The following PTPRM variants were observed in gnomAD, a reference collection of about 807,000 sequenced individuals.
PTPRM encodes the protein receptor-type tyrosine-protein phosphatase mu.
In PTPRM, 47 loss-of-function variants were observed where a neutral mutation model predicts 186.7. The observed-to-expected ratio is 0.25, with a 90% CI of 0.20 to 0.32. The LOEUF (loss-of-function observed/expected upper bound fraction) is 0.32, where lower values mean the gene tolerates loss of function less well. Among genes scored for constraint, PTPRM ranks in the 10% least tolerant of loss-of-function variants. The pLI, the probability that PTPRM is intolerant of heterozygous loss-of-function variation, is 1.00. For missense variants in PTPRM, 1,494 were observed against 1,865.0 expected, an observed-to-expected ratio of 0.80 and a Z score of 3.66; for synonymous variants, 668 against 674.9, an observed-to-expected ratio of 0.99 and a Z score of 0.16.
chr18:8,305,057 T>C (rs1349258248), intron 20 of PTPRM, among the ~76,000 whole-genome samples: 1 of 152,116 alleles, frequency 6.6e-6, no homozygotes, highest in African/African-American at 2.4e-5. Context: ...AAATAGACTC[T>C]TATTAGACAT....
chr18:7,773,770 G>A (rs962896306), intron 1 of PTPRM, among the ~76,000 whole-genome samples: 3 of 151,926 alleles, frequency 2.0e-5, no homozygotes, highest in African/African-American at 7.2e-5. Context: ...TGTAGAGATA[G>A]GGTTTCACCA....
chr18:8,297,311 A>G (rs1299228125), intron 20 of PTPRM, among the ~76,000 whole-genome samples: 1 of 152,252 alleles, frequency 6.6e-6, no homozygotes, highest in East Asian at 1.9e-4. Context: ...TTACGAGAGA[A>G]CAAACTTGGG....
chr18:8,235,683 T>C (rs1393375581), intron 14 of PTPRM, among the ~76,000 whole-genome samples: 2 of 152,106 alleles, frequency 1.3e-5, no homozygotes, highest in African/African-American at 2.4e-5. Context: ...TTTAGATGTT[T>C]CTTTTTGTCT....
chr18:7,829,698 T>A (rs1019197856), intron 2 of PTPRM, among the ~76,000 whole-genome samples: 1 of 152,170 alleles, frequency 6.6e-6, no homozygotes, highest in African/African-American at 2.4e-5. Flanking sequence ...ATTCTTTCAT[T>A]TGGCCATATA....
intron 2 of PTPRM, among the ~76,000 whole-genome samples, chr18:7,877,832 C>T (rs533541997): frequency 4.6e-5 from 7 of 152,094 alleles, no homozygotes; most frequent in African/African-American, 1.2e-4. Flanking sequence ...AGTTTATGGA[C>T]GAACTGACTC....
At chr18:8,017,949 A>G (rs2084980808) in intron 7 of PTPRM, 2 of 152,198 alleles carry the variant, frequency 1.3e-5, no homozygotes, top group Non-Finnish European at 2.9e-5. Flanking sequence ...ATGATCATAG[A>G]AACTGTTAGG....
rs547758204 is a variant in PTPRM at position 7,978,103 on chromosome 18, G to A, written c.1132+22689G>A. ...ATAACTGGTGCCTGCTCCTCTCAGC[G>A]CACTTTGCTTTTAGCCTCACTACAA... On this transcript the variant is annotated intron_variant, in intron 7 of 32. Coordinates refer to ENST00000580170, the MANE Select transcript of PTPRM (RefSeq NM_001105244.2). Among the ~76,000 whole-genome samples, 7 of 152,262 alleles carry A rather than the reference G, an allele frequency of 4.6e-5. No individual in the cohort carries two copies. The East Asian group carries it at 5.8e-4, about 13-fold the overall frequency.
intron 20 of PTPRM, among the ~76,000 whole-genome samples, chr18:8,310,991 C>T (rs2148003127): frequency 6.6e-6 from 1 of 152,202 alleles, no homozygotes; most frequent in Admixed American, 6.5e-5. Flanking sequence ...AGTATTCTGA[C>T]AATATTAGAC....
At chr18:7,823,157 C>T (rs2045296097) in intron 2 of PTPRM, among the ~76,000 whole-genome samples, 1 of 152,138 alleles carries the variant, frequency 6.6e-6, no homozygotes, top group African/African-American at 2.4e-5. Context: ...TATTCCATAG[C>T]CCCAGGATGC....
At chr18:7,648,738 T>A (rs1014081469) in intron 1 of PTPRM, among the ~76,000 whole-genome samples, 2 of 152,112 alleles carry the variant, frequency 1.3e-5, no homozygotes, top group African/African-American at 4.8e-5. Context: ...CAGAGTTTGG[T>A]TCATAAGGTT....
At chr18:8,112,767 A>G in intron 11 of PTPRM, among the ~76,000 whole-genome samples, 1 of 152,052 alleles carries the variant, frequency 6.6e-6, no homozygotes, top group East Asian at 1.9e-4. Flanking sequence ...CCAGAGACCT[A>G]CTCCTTAGTG....
At chr18:7,792,778 A>G (rs1394607631) in intron 2 of PTPRM, among the ~76,000 whole-genome samples, 1 of 151,698 alleles carries the variant, frequency 6.6e-6, no homozygotes, top group Non-Finnish European at 1.5e-5. Context: ...GGATCCTACC[A>G]CCTCAGCCTC....
At chr18:8,052,694 G>T (rs2087596189) in intron 7 of PTPRM, among the ~76,000 whole-genome samples, 1 of 152,120 alleles carries the variant, frequency 6.6e-6, no homozygotes, top group African/African-American at 2.4e-5. Context: ...ACTATTCTAG[G>T]ATTTATGCCT....
At chr18:8,161,327 T>C (rs1280269255) in intron 14 of PTPRM, among the ~76,000 whole-genome samples, 2 of 152,144 alleles carry the variant, frequency 1.3e-5, no homozygotes, top group Admixed American at 1.3e-4. Flanking sequence ...TTTGTCAGGC[T>C]AAGGTTGACT....
chr18:8,293,765 A>G (rs1200013075), intron 19 of PTPRM, among the ~76,000 whole-genome samples: 1 of 152,262 alleles, frequency 6.6e-6, no homozygotes, highest in Non-Finnish European at 1.5e-5. Context: ...ATGTAGCAGA[A>G]TAGAAGCTAC....
chr18:7,910,946 C>T (rs1369588266), intron 4 of PTPRM, among the ~76,000 whole-genome samples: 2 of 152,188 alleles, frequency 1.3e-5, no homozygotes, highest in Non-Finnish European at 2.9e-5. Flanking sequence ...CTGGCCACCA[C>T]TCCTAGCCCT....
intron 2 of PTPRM, among the ~76,000 whole-genome samples, chr18:7,810,552 A>C (rs903232270): frequency 6.6e-6 from 1 of 152,160 alleles, no homozygotes; most frequent in African/African-American, 2.4e-5. Flanking sequence ...GTTGCAATGG[A>C]AATAACCTGA....
intron 30 of PTPRM, among the ~76,000 whole-genome samples, 200 bp downstream of exon 30, chr18:8,384,886 A>G (rs971649163): frequency 2.0e-5 from 3 of 152,242 alleles, no homozygotes; most frequent in African/African-American, 7.2e-5. Flanking sequence ...ATACTTATTA[A>G]AGCACGGCAA....
intron 1 of PTPRM, among the ~76,000 whole-genome samples, chr18:7,588,984 G>A (rs1351992932): frequency 6.6e-6 from 1 of 152,052 alleles, no homozygotes; most frequent in Admixed American, 6.5e-5. Context: ...TGAGTAGGTG[G>A]GACCACAGGT....
Sources: gnomAD v4.1 joint callset for allele counts (sites outside exome capture counted in the v4.1 genomes callset) on GRCh38, gnomAD v4.1.1 for gene constraint, MANE v1.5 for transcripts, NCBI Gene and HGNC (gene_info 2026-07-23, HGNC 2026-07-21) for gene names.